Variants in ATXN1 observed in about 807,000 individuals in gnomAD.
The protein encoded by ATXN1 is ataxin-1.
ATXN1 carries 8 observed loss-of-function variants against 56.4 expected under a neutral mutation model. The observed-to-expected ratio is 0.14, with a 90% CI of 0.08 to 0.26. ATXN1 has a LOEUF of 0.26. Among genes scored for constraint, ATXN1 ranks in the 10% least tolerant of loss-of-function variants. The pLI is 1.00. For synonymous variants in ATXN1, 514 were observed against 494.6 expected (o/e 1.04, Z -0.52); for missense variants, 987 against 1,106.5 (o/e 0.89, Z 1.53).
chr6:16,412,760 C>A (rs751520641), intron 6 of ATXN1, among the ~76,000 whole-genome samples: 1 of 152,240 alleles, frequency 6.6e-6, no homozygotes, highest in Non-Finnish European at 1.5e-5. Flanking sequence ...AAAGCTTAAT[C>A]TTGACTTTCT....
intron 6 of ATXN1, among the ~76,000 whole-genome samples, chr6:16,339,585 C>T (rs1457717749): frequency 1.3e-5 from 2 of 152,220 alleles, no homozygotes; most frequent in Non-Finnish European, 2.9e-5. Flanking sequence ...GTGCAGGCTA[C>T]AGCAATGCTT....
At chr6:16,722,426 A>C (rs1759763205) in intron 2 of ATXN1, among the ~76,000 whole-genome samples, 1 of 152,242 alleles carries the variant, frequency 6.6e-6, no homozygotes, top group South Asian at 2.1e-4. Flanking sequence ...GTTATAAAGA[A>C]AAGATACATT....
chr6:16,504,811 T>G (rs1489224978), intron 5 of ATXN1, among the ~76,000 whole-genome samples: 1 of 152,166 alleles, frequency 6.6e-6, no homozygotes, highest in African/African-American at 2.4e-5. Flanking sequence ...AGTGTTAAGC[T>G]GTTCCTGACG....
chr6:16,457,714 G>C (rs185705990), intron 6 of ATXN1, among the ~76,000 whole-genome samples: 1 of 152,074 alleles, frequency 6.6e-6, no homozygotes, highest in Non-Finnish European at 1.5e-5. Context: ...CAAAGCTGGC[G>C]ATTTACATTC....
chr6:16,299,651 A>AAAAC lies in ATXN1; in HGVS notation c.*6674_*6677dup, dbSNP rs1232578188. 1 of 152,192 alleles carries AAAAC rather than the reference A, an allele frequency of 6.6e-6. No homozygotes were observed. Among genetic ancestry groups the AAAAC allele is most frequent in the Non-Finnish European group, 1.5e-5 (1 of 68,040 alleles). The allele number at this position is 152,192 out of a possible 1,614,324, so 9.4% of individuals were successfully genotyped here. ...ATATGGTGGGTAATGATCTGATATT[A>AAAAC]AAACATCCAGTAGTACGAGTCTCAG... On this transcript the variant is annotated 3_prime_UTR_variant, in exon 8 of 8. Coordinates refer to ENST00000436367, the MANE Select transcript of ATXN1 (RefSeq NM_001128164.2).
intron 5 of ATXN1, among the ~76,000 whole-genome samples, chr6:16,488,093 C>T (rs1231236921): frequency 6.6e-6 from 1 of 152,216 alleles, no homozygotes; most frequent in Non-Finnish European, 1.5e-5. Flanking sequence ...CAGAGCAACA[C>T]ACACCTTCTC....
chr6:16,526,647 C>G (rs1215966365), intron 4 of ATXN1, among the ~76,000 whole-genome samples: 3 of 151,886 alleles, frequency 2.0e-5, no homozygotes, highest in Non-Finnish European at 4.4e-5. Context: ...TGCCTGTAAT[C>G]CCAGCTACTC....
chr6:16,438,982 G>T (rs1759448753), intron 6 of ATXN1, among the ~76,000 whole-genome samples: 1 of 152,028 alleles, frequency 6.6e-6, no homozygotes, highest in African/African-American at 2.4e-5. Context: ...GTCATTAATA[G>T]AATTTAATAA....
chr6:16,381,229 G>C (rs937009567), intron 6 of ATXN1, among the ~76,000 whole-genome samples: 9 of 152,112 alleles, frequency 5.9e-5, no homozygotes, highest in African/African-American at 2.2e-4. Flanking sequence ...AGAGGTTGCA[G>C]TAAGTGAGAT....
At chr6:16,500,221 A>G (rs1760856861) in intron 5 of ATXN1, among the ~76,000 whole-genome samples, 1 of 152,194 alleles carries the variant, frequency 6.6e-6, no homozygotes, top group African/African-American at 2.4e-5. Flanking sequence ...CTTCTCAACA[A>G]CCGTGTGAAA....
chr6:16,490,431 T>C (rs893523485), intron 5 of ATXN1, among the ~76,000 whole-genome samples: 1 of 152,188 alleles, frequency 6.6e-6, no homozygotes, highest in Non-Finnish European at 1.5e-5. Context: ...CAACAAACAG[T>C]TGTACTATAC....
chr6:16,530,506 T>G (rs1368806366), intron 4 of ATXN1, among the ~76,000 whole-genome samples: 1 of 152,162 alleles, frequency 6.6e-6, no homozygotes, highest in East Asian at 1.9e-4. Context: ...AGGTAACCTC[T>G]TAGCAGATTC....
At chr6:16,513,598 C>T (rs769077618) in intron 5 of ATXN1, among the ~76,000 whole-genome samples, 2 of 152,120 alleles carry the variant, frequency 1.3e-5, no homozygotes, top group East Asian at 1.9e-4. Context: ...TAACAGGCCA[C>T]GGTGATATTA....
chr6:16,392,057 A>C (rs1476464), intron 6 of ATXN1, among the ~76,000 whole-genome samples: 23,292 of 152,188 alleles, frequency 0.15, 2,033 homozygotes, highest in African/African-American at 0.23. Context: ...CAGAAACTCT[A>C]TGATACCCCA....
At chr6:16,389,918 C>T (rs950473377) in intron 6 of ATXN1, among the ~76,000 whole-genome samples, 1 of 152,160 alleles carries the variant, frequency 6.6e-6, no homozygotes, top group Admixed American at 6.5e-5. Flanking sequence ...GTACGTTCAC[C>T]TTTTGTAAAT....
At chr6:16,330,568 T>G (rs752470066) in intron 6 of ATXN1, among the ~76,000 whole-genome samples, 1 of 151,942 alleles carries the variant, frequency 6.6e-6, no homozygotes, top group Non-Finnish European at 1.5e-5. Context: ...TTTTGTACTT[T>G]TTGTAGAGGT....
intron 4 of ATXN1, among the ~76,000 whole-genome samples, chr6:16,526,343 T>C (rs1202545070): frequency 6.6e-6 from 1 of 152,112 alleles, no homozygotes; most frequent in Non-Finnish European, 1.5e-5. Context: ...TTTTTCAAGA[T>C]TGAGAAAGGC....
intron 2 of ATXN1, among the ~76,000 whole-genome samples, chr6:16,729,197 C>T (rs1330731524): frequency 3.3e-5 from 5 of 152,150 alleles, no homozygotes; most frequent in Admixed American, 6.5e-5. Flanking sequence ...AAATTATGAC[C>T]TCTGCCTTTT....
intron 5 of ATXN1, among the ~76,000 whole-genome samples, chr6:16,514,239 C>G (rs1175980329): frequency 2.0e-5 from 3 of 152,064 alleles, no homozygotes; most frequent in Non-Finnish European, 4.4e-5. Flanking sequence ...CTTGTTGGAT[C>G]ACAAAGAGCA....
Sources: gnomAD v4.1 joint callset for allele counts (sites outside exome capture counted in the v4.1 genomes callset) on GRCh38, gnomAD v4.1.1 for gene constraint, MANE v1.5 for transcripts, NCBI Gene and HGNC (gene_info 2026-07-23, HGNC 2026-07-21) for gene names.